The following MYH16 variants were observed in gnomAD, a reference collection of about 807,000 sequenced individuals.
MYH16 encodes putative uncharacterized protein MYH16.
exon 29 of MYH16, chr7:99,287,898 C>G (rs1277090735): frequency 2.2e-6 from 1 of 455,406 alleles, no homozygotes; most frequent in African/African-American, 2.0e-5. Context: ...CCAGATCGAG[C>G]AGAACCGCAA....
chr7:99,242,655 T>A (rs1791679585), intron 1 of MYH16, among the ~76,000 whole-genome samples: 2 of 152,076 alleles, frequency 1.3e-5, no homozygotes, highest in African/African-American at 4.8e-5. Context: ...AAAATTAAAT[T>A]AAAAATTTAA....
intron 31 of MYH16, 42 bp from the exon 13 acceptor site, chr7:99,292,270 G>A: frequency 2.2e-6 from 1 of 446,676 alleles, no homozygotes; most frequent in Non-Finnish European, 4.5e-6. Context: ...CCTGCGGGCT[G>A]TGGAAAGCCC....
chr7:99,264,075 C>T (rs1791964796), intron 14 of MYH16, among the ~76,000 whole-genome samples: 1 of 152,240 alleles, frequency 6.6e-6, no homozygotes, highest in Admixed American at 6.5e-5. Flanking sequence ...GTAGCCAGCC[C>T]GTTTGATCAC....
At chr7:99,265,495 C>T (rs535742747) in intron 16 of MYH16, 1 of 152,864 alleles carries the variant, frequency 6.5e-6, no homozygotes, top group African/African-American at 2.4e-5. Context: ...TCAGTTCAGC[C>T]TCCTTGAGTG....
intron 23 of MYH16, among the ~76,000 whole-genome samples, chr7:99,281,861 C>T (rs555753478): frequency 1.3e-5 from 2 of 152,284 alleles, no homozygotes; most frequent in South Asian, 4.2e-4. Context: ...AGACAGTGGA[C>T]CCCTCGTCCC....
chr7:99,281,432 C>T (rs531542050), intron 23 of MYH16, among the ~76,000 whole-genome samples: 26 of 152,116 alleles, frequency 1.7e-4, no homozygotes, highest in Middle Eastern at 3.4e-3. Context: ...TCTGGTGGCA[C>T]GCGCCTGTAG....
At chr7:99,245,011 C>T (rs1457596397) in intron 2 of MYH16, among the ~76,000 whole-genome samples, 1 of 152,210 alleles carries the variant, frequency 6.6e-6, no homozygotes, top group Non-Finnish European at 1.5e-5. Context: ...CTCTAGCTGG[C>T]AAGGGCTGCT....
chr7:99,308,950 G>A (rs558360185), downstream of MYH16, among the ~76,000 whole-genome samples: 16 of 152,236 alleles, frequency 1.1e-4, no homozygotes, highest in Admixed American at 6.5e-4. Flanking sequence ...AAAAATGAGC[G>A]TGGTGGTGGC....
At chr7:99,293,666 A>G (rs1411599697) in intron 32 of MYH16, among the ~76,000 whole-genome samples, 1 of 151,716 alleles carries the variant, frequency 6.6e-6, no homozygotes, top group Non-Finnish European at 1.5e-5. Context: ...TCCTGGCTCT[A>G]TTTGTCACTG....
At chr7:99,279,035 G>GT (rs1172961466) in intron 21 of MYH16, among the ~76,000 whole-genome samples, 3 of 151,806 alleles carry the variant, frequency 2.0e-5, no homozygotes, top group Non-Finnish European at 4.4e-5. Flanking sequence ...CTACAAAAAA[G>GT]TTTAAAAATT....
At chr7:99,289,995 T>G (rs75613712) in intron 30 of MYH16, among the ~76,000 whole-genome samples, 1 of 152,308 alleles carries the variant, frequency 6.6e-6, no homozygotes, top group Non-Finnish European at 1.5e-5. Flanking sequence ...TAATTGGCAA[T>G]TTATCAATGT....
At chr7:99,297,243 C>G (rs951976266) in intron 34 of MYH16, among the ~76,000 whole-genome samples, 5 of 151,834 alleles carry the variant, frequency 3.3e-5, no homozygotes, top group Non-Finnish European at 7.4e-5. Context: ...ACCAGCCTGA[C>G]CAACATGGTG....
chr7:99,277,878 C>CGTGTGTGTGT (rs61634087), intron 21 of MYH16, among the ~76,000 whole-genome samples, 166 bp downstream of exon 3: 72 of 121,762 alleles, frequency 5.9e-4, no homozygotes, highest in African/African-American at 2.4e-3. Flanking sequence ...CCATCCAATT[C>CGTGTGTGTGT]GTGTGTGTGT....
chr7:99,299,604 C>T (rs1408099354), exon 37 of MYH16: 1 of 153,642 alleles, frequency 6.5e-6, no homozygotes, highest in Non-Finnish European at 1.5e-5. Context: ...ACCACGCCAA[C>T]AAGAACAACA....
intron 8 of MYH16, among the ~76,000 whole-genome samples, chr7:99,254,459 T>C (rs1454792291): frequency 3.9e-5 from 6 of 152,194 alleles, no homozygotes; most frequent in Non-Finnish European, 7.3e-5. Context: ...CTGCTGCCTC[T>C]GAGTCTGATA....
chr7:99,241,503 A>T (rs1791666493), intron 1 of MYH16, among the ~76,000 whole-genome samples: 1 of 152,176 alleles, frequency 6.6e-6, no homozygotes, highest in African/African-American at 2.4e-5. Flanking sequence ...GAATTGCCTG[A>T]ACCCAGGAGG....
intron 26 of MYH16, 129 bp from the exon 9 acceptor site, chr7:99,285,253 C>G (rs1195157934): frequency 2.5e-6 from 1 of 403,260 alleles, no homozygotes; most frequent in East Asian, 7.1e-5. Flanking sequence ...TCTCTGGGAT[C>G]TGCCTCTCTC....
intron 23 of MYH16, among the ~76,000 whole-genome samples, chr7:99,281,411 A>C (rs1792197208): frequency 6.6e-6 from 1 of 151,872 alleles, no homozygotes; most frequent in South Asian, 2.1e-4. Flanking sequence ...AAAATACAAA[A>C]ATTAGCCAGG....
chr7:99,246,875 A>G (rs1046270903), intron 2 of MYH16, among the ~76,000 whole-genome samples: 1 of 152,114 alleles, frequency 6.6e-6, no homozygotes, highest in Non-Finnish European at 1.5e-5. Flanking sequence ...CCAACTTACA[A>G]TGGTTCAAGT....
Sources: gnomAD v4.1 joint callset for allele counts (sites outside exome capture counted in the v4.1 genomes callset) on GRCh38, gnomAD v4.1.1 for gene constraint, MANE v1.5 for transcripts, NCBI Gene and HGNC (gene_info 2026-07-23, HGNC 2026-07-21) for gene names.